Variants in CNTN6 observed in about 807,000 individuals in gnomAD.
CNTN6 encodes contactin-6.
A neutral mutation model predicts 122.8 loss-of-function variants in CNTN6; 137 were observed. The observed-to-expected ratio is 1.12, with a 90% confidence interval of 0.97 to 1.29. The LOEUF (loss-of-function observed/expected upper bound fraction) is 1.29. Ranked by LOEUF, CNTN6 falls within the 50% of genes most tolerant of loss-of-function variation. CNTN6 has a pLI of 0.00. For missense variants in CNTN6, 1,634 were observed against 1,223.4 expected (o/e 1.34, Z -5.01); for synonymous variants, 570 against 426.0 (o/e 1.34, Z -4.16).
In CNTN6 at chr3:1,327,394, A is replaced by G. The variant is rs375968896; in HGVS notation, c.1084-63A>G. 6.7e-5 allele frequency: 100 copies of G among 1,500,560 alleles called. No homozygotes were observed. The East Asian group carries it at 9.4e-4, about 14-fold the overall frequency. The allele number at this position is 1,500,560 out of a possible 1,614,324, so 93.0% of individuals were successfully genotyped here. On this transcript the variant is annotated intron_variant, in intron 9 of 22. Transcript: ENST00000446702. Reference sequence around the variant, plus strand: ...ATACACAAATGTTGTTTAATAACATATCCTGGTTAAGAGAATGCTATATTA... The same window carrying G: ...ATACACAAATGTTGTTTAATAACATGTCCTGGTTAAGAGAATGCTATATTA...
chr3:1,398,598 A>G (rs1415265243), intron 20 of CNTN6, among the ~76,000 whole-genome samples: 1 of 152,140 alleles, frequency 6.6e-6, no homozygotes, highest in African/African-American at 2.4e-5. Context: ...ACAGTGGAGA[A>G]CTGCTACTCT....
At chr3:1,359,475 A>C (rs1050314703) in intron 12 of CNTN6, among the ~76,000 whole-genome samples, 39 of 152,058 alleles carry the variant, frequency 2.6e-4, no homozygotes, top group Admixed American at 5.3e-4. Context: ...GTAGTCTTTT[A>C]ATATTTATTC....
intron 1 of CNTN6, among the ~76,000 whole-genome samples, chr3:1,096,201 T>C (rs2090515645): frequency 6.6e-6 from 1 of 152,148 alleles, no homozygotes; most frequent in Non-Finnish European, 1.5e-5. Flanking sequence ...GCAATTTCCG[T>C]CATTGAATGT....
intron 3 of CNTN6, 40 bp from the exon 4 acceptor site, chr3:1,227,776 ACT>A: frequency 6.3e-7 from 1 of 1,586,370 alleles, no homozygotes. Flanking sequence ...AGATTGATTG[ACT>A]CTGTATATTA....
At chr3:1,294,386 A>T (rs1490264921) in intron 5 of CNTN6, among the ~76,000 whole-genome samples, 1 of 152,200 alleles carries the variant, frequency 6.6e-6, no homozygotes, top group Non-Finnish European at 1.5e-5. Context: ...CATACAAATG[A>T]CAGCAGAAAT....
chr3:1,365,051 T>C (rs1708017157), intron 12 of CNTN6, among the ~76,000 whole-genome samples: 1 of 152,006 alleles, frequency 6.6e-6, no homozygotes, highest in Non-Finnish European at 1.5e-5. Flanking sequence ...CCCTATTCTG[T>C]ATGTAAATAT....
chr3:1,394,613 ATAAT>A (rs986710156), intron 20 of CNTN6, among the ~76,000 whole-genome samples: 9 of 152,146 alleles, frequency 5.9e-5, no homozygotes, highest in African/African-American at 2.2e-4. Context: ...CATCTCAGTA[ATAAT>A]TTTTTCTGTC....
intron 2 of CNTN6, among the ~76,000 whole-genome samples, chr3:1,165,931 T>A (rs529185355): frequency 6.6e-6 from 1 of 152,264 alleles, no homozygotes; most frequent in African/African-American, 2.4e-5. Flanking sequence ...CTTCCTTCCC[T>A]TCAAGGGCCA....
chr3:1,121,182 T>A (rs2091935166), intron 1 of CNTN6, among the ~76,000 whole-genome samples: 2 of 152,008 alleles, frequency 1.3e-5, no homozygotes, highest in African/African-American at 2.4e-5. Context: ...TGTCTTCATA[T>A]GTATGTAAAT....
chr3:1,264,101 G>T (rs1219519644), intron 4 of CNTN6, among the ~76,000 whole-genome samples: 1 of 151,976 alleles, frequency 6.6e-6, no homozygotes, highest in Non-Finnish European at 1.5e-5. Context: ...GGTAAACAGG[G>T]CCATATCATA....
At chr3:1,192,198 G>T (rs1283013988) in intron 2 of CNTN6, among the ~76,000 whole-genome samples, 1 of 152,080 alleles carries the variant, frequency 6.6e-6, no homozygotes, top group African/African-American at 2.4e-5. Flanking sequence ...TGGCCAGAAA[G>T]CCTTCATTGA....
intron 4 of CNTN6, among the ~76,000 whole-genome samples, chr3:1,236,604 C>G (rs370788816): frequency 1.3e-5 from 2 of 152,126 alleles, no homozygotes; most frequent in African/African-American, 4.8e-5. Flanking sequence ...CCCAGATATT[C>G]CCTCTGACAT....
At chr3:1,243,968 G>T (rs567664878) in intron 4 of CNTN6, among the ~76,000 whole-genome samples, 1 of 152,128 alleles carries the variant, frequency 6.6e-6, no homozygotes, top group Non-Finnish European at 1.5e-5. Context: ...ATTGGGAACA[G>T]AGGCTAGGGA....
At position 1,372,477 on chromosome 3, in the gene CNTN6, A is replaced by G. The variant is rs1709187453; in HGVS notation, c.1668+3A>G. ...CTCATTTTGAAAGGATTGGAGGAGT[A>G]AGTTACTGAAATTGTTAAGTGCTTA... On this transcript the variant is annotated splice_donor_region_variant and intron_variant, in intron 13 of 22. Transcript: ENST00000446702. 2 of 1,596,232 alleles carry G rather than the reference A, an allele frequency of 1.3e-6. No homozygotes were observed. The highest frequency in any genetic ancestry group is 4.5e-5 in the East Asian group (2 of 44,560).
intron 2 of CNTN6, among the ~76,000 whole-genome samples, chr3:1,148,398 A>G (rs1423048881): frequency 6.6e-6 from 1 of 151,878 alleles, no homozygotes; most frequent in Non-Finnish European, 1.5e-5. Context: ...ACCAATAAAC[A>G]GTGAATAATT....
intron 2 of CNTN6, among the ~76,000 whole-genome samples, chr3:1,148,784 C>T (rs2092777053): frequency 6.6e-6 from 1 of 152,104 alleles, no homozygotes; most frequent in South Asian, 2.1e-4. Flanking sequence ...TGGTTTTTGC[C>T]TGGGTGCACT....
At chr3:1,165,130 G>C (rs2125264081) in intron 2 of CNTN6, among the ~76,000 whole-genome samples, 1 of 152,260 alleles carries the variant, frequency 6.6e-6, no homozygotes. Context: ...GATGTTACAT[G>C]CTTGTCCATG....
At chr3:1,230,088 T>G (rs1424687595) in intron 4 of CNTN6, among the ~76,000 whole-genome samples, 1 of 152,164 alleles carries the variant, frequency 6.6e-6, no homozygotes, top group African/African-American at 2.4e-5. Flanking sequence ...CTAAAGTGCA[T>G]GAACTGTACC....
chr3:1,227,208 C>T (rs2094295807), intron 3 of CNTN6, among the ~76,000 whole-genome samples: 1 of 152,118 alleles, frequency 6.6e-6, no homozygotes, highest in Non-Finnish European at 1.5e-5. Context: ...AAAATAAAAA[C>T]CTCTCAAACA....
Sources: gnomAD v4.1 joint callset for allele counts (sites outside exome capture counted in the v4.1 genomes callset) on GRCh38, gnomAD v4.1.1 for gene constraint, MANE v1.5 for transcripts, NCBI Gene and HGNC (gene_info 2026-07-23, HGNC 2026-07-21) for gene names.